The following NEK11 variants were observed in gnomAD, a reference collection of about 807,000 sequenced individuals.
The protein encoded by NEK11 is serine/threonine-protein kinase Nek11.
In NEK11, 72 loss-of-function variants were observed where a neutral mutation model predicts 80.7. The ratio of observed to expected loss-of-function variants is 0.89; its 90% CI spans 0.74 to 1.08. The LOEUF (loss-of-function observed/expected upper bound fraction) is 1.08. Ranked by LOEUF, NEK11 falls within the 50% of genes least tolerant of loss-of-function variation. NEK11 has a pLI of 0.00. For missense variants in NEK11, 764 were observed against 763.6 expected, an observed-to-expected ratio of 1.00 and a Z score of -0.01; for synonymous variants, 251 against 260.7, an observed-to-expected ratio of 0.96 and a Z score of 0.36.
intron 15 of NEK11, among the ~76,000 whole-genome samples, chr3:131,237,823 A>G (rs2095456360): frequency 6.6e-6 from 1 of 152,130 alleles, no homozygotes; most frequent in Admixed American, 6.6e-5. Flanking sequence ...TCCATAAGCA[A>G]AACCTATTGG....
rs922031591 is a variant in NEK11 at position 131,273,514 on chromosome 3, C to G, written c.1658C>G (p.Ser553Cys). Reference protein sequence around the residue: ...KTITTMAEDMSPGPPIFNSVM... With the variant: ...KTITTMAEDMCPGPPIFNSVM... ...ATCACCACCATGGCTGAAGACATGT[C>G]CCCAGGACCACCAATTTTCAACAGT... is the stretch of plus-strand genomic sequence containing the variant. The change falls in exon 17 of 18, where the codon TCC becomes TGC. Residue 553 changes from serine to cysteine, a missense_variant. Coordinates refer to ENST00000383366, the MANE Select transcript of NEK11 (RefSeq NM_024800.5). 2.5e-6 allele frequency: 4 copies of G among 1,613,896 alleles called. No homozygotes were observed. The highest frequency in any genetic ancestry group is 3.4e-6 in the Non-Finnish European group (4 of 1,179,846).
chr3:131,241,579 A>G (rs16836178), intron 15 of NEK11, among the ~76,000 whole-genome samples: 6,493 of 152,194 alleles, frequency 0.043, 440 homozygotes, highest in African/African-American at 0.15. Context: ...CTGAGAATGC[A>G]GTGACTGAAA....
chr3:131,324,990 T>C (rs2096943818), intron 17 of NEK11: 1 of 152,234 alleles, frequency 6.6e-6, no homozygotes, highest in African/African-American at 2.4e-5. Flanking sequence ...GGATTGAATA[T>C]GAGCAATGGT....
chr3:131,109,710 A>C (rs1242382821), intron 4 of NEK11, 93 bp from the exon 5 acceptor site: 1 of 1,252,212 alleles, frequency 8.0e-7, no homozygotes, highest in Non-Finnish European at 1.1e-6. Flanking sequence ...ACTTTCTTAT[A>C]AACAGTGACT....
intron 7 of NEK11, among the ~76,000 whole-genome samples, chr3:131,142,895 T>C (rs2087262130): frequency 6.6e-6 from 1 of 152,162 alleles, no homozygotes; most frequent in South Asian, 2.1e-4. Flanking sequence ...AAAGCTCAGT[T>C]GTGGAGGAAA....
chr3:131,211,320 T>G (rs1334163028), intron 14 of NEK11, among the ~76,000 whole-genome samples: 1 of 152,152 alleles, frequency 6.6e-6, no homozygotes, highest in Non-Finnish European at 1.5e-5. Flanking sequence ...GCTTGTAGAG[T>G]TTCTGCTGAG....
At chr3:131,335,819 C>G (rs543760151) in intron 17 of NEK11, among the ~76,000 whole-genome samples, 2 of 152,242 alleles carry the variant, frequency 1.3e-5, no homozygotes, top group Admixed American at 1.3e-4. Context: ...TCTTATACAT[C>G]AATAACAGAC....
chr3:131,207,251 C>T (rs2094467947), intron 14 of NEK11, among the ~76,000 whole-genome samples: 1 of 152,184 alleles, frequency 6.6e-6, no homozygotes, highest in Non-Finnish European at 1.5e-5. Context: ...CACTGTCTTC[C>T]ACAATGGTTG....
chr3:131,162,269 A>C (rs2091691811), intron 10 of NEK11, 139 bp from the exon 11 acceptor site: 1 of 1,017,978 alleles, frequency 9.8e-7, no homozygotes, highest in South Asian at 2.0e-5. Context: ...TACATACCCA[A>C]AGCTTATTAG....
intron 5 of NEK11, among the ~76,000 whole-genome samples, chr3:131,126,428 GT>G (rs2083352957): frequency 6.6e-6 from 1 of 151,840 alleles, no homozygotes; most frequent in Admixed American, 6.6e-5. Flanking sequence ...TTTTATAATA[GT>G]TTAGCTACTA....
At chr3:131,103,797 T>C (rs1411566439) in intron 4 of NEK11, among the ~76,000 whole-genome samples, 1 of 152,164 alleles carries the variant, frequency 6.6e-6, no homozygotes, top group Non-Finnish European at 1.5e-5. Context: ...TCAACCCTCT[T>C]AGTGCTCTGA....
chr3:131,235,819 G>C (rs972984520), intron 15 of NEK11, among the ~76,000 whole-genome samples: 1 of 152,142 alleles, frequency 6.6e-6, no homozygotes, highest in Non-Finnish European at 1.5e-5. Flanking sequence ...CAGAGCTGGG[G>C]TTTAAACCAG....
chr3:131,120,646 C>A (rs376100747), intron 5 of NEK11, among the ~76,000 whole-genome samples: 3 of 152,078 alleles, frequency 2.0e-5, no homozygotes, highest in African/African-American at 7.2e-5. Flanking sequence ...TTTTCACATA[C>A]TCCTATATTT....
chr3:131,304,033 C>T (rs1241988490), intron 17 of NEK11, among the ~76,000 whole-genome samples: 4 of 152,080 alleles, frequency 2.6e-5, no homozygotes, highest in Non-Finnish European at 4.4e-5. Context: ...GCTTTCTGTC[C>T]CTCTCTTTCA....
chr3:131,324,177 G>A (rs1411848557), intron 17 of NEK11, among the ~76,000 whole-genome samples: 2 of 152,214 alleles, frequency 1.3e-5, no homozygotes, highest in Admixed American at 6.5e-5. Flanking sequence ...CAGTGGATAG[G>A]AAATTACTAA....
intron 17 of NEK11, among the ~76,000 whole-genome samples, chr3:131,346,225 A>T (rs2097361564): frequency 6.6e-6 from 1 of 152,232 alleles, no homozygotes; most frequent in Non-Finnish European, 1.5e-5. Context: ...GTGAGGTCAT[A>T]GATATATTAA....
In NEK11 at chr3:131,168,920, T is replaced by G; in HGVS notation, c.1267T>G (p.Trp423Gly). The change falls in exon 13 of 18, where the codon TGG becomes GGG. Residue 423 changes from tryptophan (W) to glycine (G), a missense_variant. Trp to Gly is a radical substitution (Grantham distance 184). Coordinates refer to ENST00000383366, the MANE Select transcript of NEK11 (RefSeq NM_024800.5). ...ACCCCAGGACGAGGATGAAGAGAGG[T>G]GGCAAGGCAGGGAAGAGGCAAGTTT... is the stretch of plus-strand genomic sequence containing the variant. ...CSPQDEDEER[W>G]QGREEESDEP... is the part of the protein sequence containing the mutation. The G allele has an allele frequency of 6.2e-7, 1 of 1,613,530 alleles. No homozygotes were observed. Among genetic ancestry groups the G allele is most frequent in the Non-Finnish European group, 8.5e-7 (1 of 1,179,740 alleles).
chr3:131,185,032 T>A (rs1323635230), intron 14 of NEK11, among the ~76,000 whole-genome samples: 1 of 152,186 alleles, frequency 6.6e-6, no homozygotes, highest in African/African-American at 2.4e-5. Flanking sequence ...AAGGGTTGTA[T>A]GAAGTATAGT....
chr3:131,294,840 C>A (rs1351474364), intron 17 of NEK11, among the ~76,000 whole-genome samples: 1 of 152,040 alleles, frequency 6.6e-6, no homozygotes, highest in Non-Finnish European at 1.5e-5. Context: ...CTTTATTTAT[C>A]CCTCATAGCT....
Sources: allele counts gnomAD v4.1 joint callset (sites outside exome capture counted in the v4.1 genomes callset), GRCh38; gene constraint gnomAD v4.1.1; transcripts MANE v1.5; gene names NCBI Gene and HGNC (gene_info 2026-07-23, HGNC 2026-07-21).